SORCS2: variants seen among roughly 807,000 people sequenced by gnomAD.
The protein encoded by SORCS2 is sortilin related VPS10 domain containing receptor 2.
Under a neutral mutation model 141.6 loss-of-function variants are expected in SORCS2, and 100 were observed. That is an observed-to-expected ratio of 0.71 (90% CI 0.60 to 0.83). The LOEUF (loss-of-function observed/expected upper bound fraction) is 0.83, where lower values mean the gene tolerates loss of function less well. Among genes scored for constraint, SORCS2 ranks in the 40% least tolerant of loss-of-function variants. SORCS2 has a pLI of 0.00. For synonymous variants in SORCS2, 789 were observed against 676.9 expected, an observed-to-expected ratio of 1.17 and a Z score of -2.57; for missense variants, 1,646 against 1,560.2, an observed-to-expected ratio of 1.05 and a Z score of -0.93.
At chr4:7,410,949 CTTTTTTTTTTTT>C (rs5855962) in intron 2 of SORCS2, among the ~76,000 whole-genome samples, 5 of 73,842 alleles carry the variant, frequency 6.8e-5, no homozygotes, top group African/African-American at 2.5e-4. Context: ...TCTCTCCATC[CTTTTTTTTTTTT>C]TTTTTTTTTT....
chr4:7,419,900 G>A (rs1318658076), intron 2 of SORCS2, among the ~76,000 whole-genome samples: 3 of 152,176 alleles, frequency 2.0e-5, no homozygotes, highest in South Asian at 4.1e-4. Flanking sequence ...TTGTGCAATG[G>A]TCCAATGTGG....
At chr4:7,368,545 G>A (rs902240188) in intron 1 of SORCS2, among the ~76,000 whole-genome samples, 2 of 152,178 alleles carry the variant, frequency 1.3e-5, no homozygotes, top group African/African-American at 4.8e-5. Flanking sequence ...GGAGCTGCAG[G>A]CCCAGCCACG....
At chr4:7,518,330 T>C (rs1733113884) in intron 2 of SORCS2, among the ~76,000 whole-genome samples, 1 of 152,166 alleles carries the variant, frequency 6.6e-6, no homozygotes, top group African/African-American at 2.4e-5. Flanking sequence ...GGTCTGTAAC[T>C]TGGCGGCTCA....
chr4:7,576,171 T>C (rs1248550808), intron 3 of SORCS2, among the ~76,000 whole-genome samples: 1 of 152,202 alleles, frequency 6.6e-6, no homozygotes, highest in East Asian at 1.9e-4. Flanking sequence ...ACTAACATTC[T>C]CCTTCTGACC....
chr4:7,356,981 C>T (rs1172570348), intron 1 of SORCS2, among the ~76,000 whole-genome samples: 1 of 152,220 alleles, frequency 6.6e-6, no homozygotes, highest in African/African-American at 2.4e-5. Flanking sequence ...CTCATCTCAT[C>T]CTTCCCAATG....
intron 1 of SORCS2, among the ~76,000 whole-genome samples, chr4:7,387,453 GCA>G (rs61728538): frequency 0.3 from 24,588 of 82,892 alleles, 1,874 homozygotes; most frequent in Non-Finnish European, 0.39. Context: ...ATGCACACAT[GCA>G]CACACAGATA....
chr4:7,496,168 G>A (rs1174185906), intron 2 of SORCS2, among the ~76,000 whole-genome samples: 1 of 152,180 alleles, frequency 6.6e-6, no homozygotes, highest in Non-Finnish European at 1.5e-5. Context: ...GTCTTGGGAA[G>A]GGAGGGAGGA....
At chr4:7,429,448 G>A (rs1413571895) in intron 2 of SORCS2, among the ~76,000 whole-genome samples, 2 of 152,250 alleles carry the variant, frequency 1.3e-5, no homozygotes, top group African/African-American at 2.4e-5. Context: ...AGTGGTTAAG[G>A]TACTCTGGGA....
Position 7,667,236 on chromosome 4 carries a change from T to C in SORCS2, c.1161+23T>C, listed in dbSNP as rs747779906. 14 of 1,608,242 alleles carry C rather than the reference T, an allele frequency of 8.7e-6. No individual in the cohort carries two copies. In the Admixed American group the frequency reaches 2.0e-4, roughly 23 times the overall value. On this transcript the variant is annotated intron_variant, in intron 8 of 26. Coordinates refer to ENST00000507866, the MANE Select transcript of SORCS2 (RefSeq NM_020777.3). The stretch of plus-strand genomic sequence containing the variant: ...AAGGTAAGGTGCTCCCCATTCCGCC[T>C]GGTCCTGTGGCCAGACCCTAAGCTT...
chr4:7,565,975 TGGTG>T, intron 3 of SORCS2, among the ~76,000 whole-genome samples: 7 of 84,812 alleles, frequency 8.3e-5, no homozygotes, highest in Admixed American at 1.5e-4. Context: ...GCTGTGATGA[TGGTG>T]ATGATAATGG....
At chr4:7,552,543 CAAAG>C (rs1443399681) in intron 3 of SORCS2, among the ~76,000 whole-genome samples, 1 of 143,238 alleles carries the variant, frequency 7.0e-6, no homozygotes, top group Non-Finnish European at 1.6e-5. Flanking sequence ...CAGCCAGAAA[CAAAG>C]AGAGAGACCA....
intron 1 of SORCS2, among the ~76,000 whole-genome samples, chr4:7,372,367 C>T (rs541751942): frequency 8.5e-5 from 13 of 152,210 alleles, no homozygotes; most frequent in African/African-American, 2.4e-4. Flanking sequence ...AGGGCAGTGG[C>T]GGGATCTCAG....
In SORCS2 at chr4:7,192,998, G is replaced by C. The variant is rs777729799; in HGVS notation, c.352G>C (p.Glu118Gln). 45 of 1,453,938 alleles carry C rather than the reference G, an allele frequency of 3.1e-5. No homozygotes were observed. Among genetic ancestry groups the C allele is most frequent in the Non-Finnish European group, 4.0e-5 (44 of 1,110,424 alleles). The allele number at this position is 1,453,938 out of a possible 1,614,324, so 90.1% of individuals were successfully genotyped here. ...GAPAAGYRRW[E>Q]RAAPLAGVAS... ...CCCCGCCGCGGGCTACCGGCGCTGG[G>C]AGCGGGCGGCGCCGCTGGCCGGAGT... Residue 118 changes from glutamate (E) to glutamine (Q), a missense_variant, in exon 1 of 27, where the codon GAG becomes CAG. Glu to Gln is a conservative substitution (Grantham distance 29). Transcript: ENST00000507866. The surrounding 1 kb of genome is among the most constrained non-coding windows in gnomAD (Gnocchi z 4.0).
chr4:7,238,724 C>A (rs955608716), intron 1 of SORCS2, among the ~76,000 whole-genome samples: 1 of 152,190 alleles, frequency 6.6e-6, no homozygotes, highest in Non-Finnish European at 1.5e-5. Flanking sequence ...GAATCCAGCT[C>A]CTCCTGTCAC....
intron 4 of SORCS2, among the ~76,000 whole-genome samples, chr4:7,639,014 TG>T (rs913514149): frequency 3.2e-4 from 48 of 151,478 alleles, no homozygotes; most frequent in African/African-American, 1.1e-3. Flanking sequence ...CCCCGGTGAG[TG>T]GGGGAGCGGG....
At chr4:7,584,644 C>T (rs1412583268) in intron 3 of SORCS2, among the ~76,000 whole-genome samples, 1 of 152,184 alleles carries the variant, frequency 6.6e-6, no homozygotes, top group Non-Finnish European at 1.5e-5. Context: ...TAAACACATG[C>T]AGAGGAGGTC....
At chr4:7,723,490 C>T (rs1244478358) in intron 18 of SORCS2, among the ~76,000 whole-genome samples, 1 of 152,194 alleles carries the variant, frequency 6.6e-6, no homozygotes, top group Non-Finnish European at 1.5e-5. Flanking sequence ...CTAGTTAAAC[C>T]AGCTGCCTTG....
At chr4:7,566,228 T>C (rs1714998874) in intron 3 of SORCS2, among the ~76,000 whole-genome samples, 1 of 149,694 alleles carries the variant, frequency 6.7e-6, no homozygotes. Context: ...ACAGAGATGA[T>C]GATAATGTGT....
intron 1 of SORCS2, among the ~76,000 whole-genome samples, chr4:7,289,612 T>C (rs76522376): frequency 0.21 from 31,338 of 152,194 alleles, 4,211 homozygotes; most frequent in Non-Finnish European, 0.29. Context: ...CTGCAGTTAA[T>C]AAAGCCCTCC....
Sources: allele counts gnomAD v4.1 joint callset (sites outside exome capture counted in the v4.1 genomes callset), GRCh38; gene constraint gnomAD v4.1.1; non-coding constraint Gnocchi (gnomAD v3.1); transcripts MANE v1.5; gene names NCBI Gene and HGNC (gene_info 2026-07-23, HGNC 2026-07-21).